Variants in PTPN5 observed in about 807,000 individuals in gnomAD.
PTPN5 encodes the protein protein tyrosine phosphatase non-receptor type 5.
A neutral mutation model predicts 73.9 loss-of-function variants in PTPN5; 29 were observed. The ratio of observed to expected loss-of-function variants is 0.39; its 90% CI spans 0.29 to 0.54. PTPN5 has a LOEUF of 0.54. Among genes scored for constraint, PTPN5 ranks in the 20% least tolerant of loss-of-function variants. The probability of loss-of-function intolerance (pLI) is 0.65; values close to 1 mark genes in which losing one functional copy is unlikely to be tolerated. For missense variants in PTPN5, 652 were observed against 751.4 expected (o/e 0.87, Z 1.55); for synonymous variants, 267 against 304.7 (o/e 0.88, Z 1.29).
At chr11:18,768,579 C>T (rs1418066077) in intron 2 of PTPN5, among the ~76,000 whole-genome samples, 2 of 152,234 alleles carry the variant, frequency 1.3e-5, no homozygotes, top group African/African-American at 2.4e-5. Context: ...AGGCCCCAAG[C>T]TGTGTTCAGA....
intron 1 of PTPN5, among the ~76,000 whole-genome samples, chr11:18,782,518 G>A (rs1851485441): frequency 6.6e-6 from 1 of 152,184 alleles, no homozygotes; most frequent in Non-Finnish European, 1.5e-5. Flanking sequence ...ATGAGCCACT[G>A]CGTCTGGCTT....
intron 1 of PTPN5, among the ~76,000 whole-genome samples, chr11:18,785,999 T>C (rs577126671): frequency 4.0e-4 from 61 of 152,280 alleles, no homozygotes; most frequent in Non-Finnish European, 6.0e-4. Flanking sequence ...GTATAGAAAC[T>C]TGAGTCACGC....
rs369724135 is a variant in PTPN5, at chr11:18,728,955, C to T, written c.1677G>A (p.Leu559=). 14 of 1,613,284 alleles carry T rather than the reference C, an allele frequency of 8.7e-6. No individual in the cohort carries two copies. Among genetic ancestry groups the T allele is most frequent in the African/African-American group, 1.3e-5 (1 of 74,874 alleles). ...HHVMSLYEKQ[L]SHQSPE is the part of the protein sequence containing the mutation. ...GCAGTCATTCTGGGGACTGGTGGGACAGCTGCTTTTCGTAGAGGCTCATGA... is the reference window on the plus strand; with the variant it reads ...GCAGTCATTCTGGGGACTGGTGGGATAGCTGCTTTTCGTAGAGGCTCATGA... Residue 559 remains leucine (L), a synonymous_variant, in exon 15 of 15, where the codon CTG becomes CTA. Transcript: ENST00000358540. This position sits in a 1 kb window ranked among gnomAD's most constrained non-coding sequence, Gnocchi z 4.1.
intron 4 of PTPN5, 49 bp from the exon 5 acceptor site, chr11:18,743,478 G>C (rs367957911): frequency 1.3e-6 from 2 of 1,541,262 alleles, no homozygotes; most frequent in Admixed American, 1.7e-5. Context: ...CCCTTCCCCC[G>C]TGTTCCCCCA....
chr11:18,789,166 G>A (rs1187341941), intron 1 of PTPN5, among the ~76,000 whole-genome samples: 1 of 152,118 alleles, frequency 6.6e-6, no homozygotes, highest in African/African-American at 2.4e-5. Flanking sequence ...CCACAAAGCT[G>A]GAGTCCTAGT....
intron 3 of PTPN5, among the ~76,000 whole-genome samples, chr11:18,756,708 G>T (rs1850155208): frequency 6.6e-6 from 1 of 151,916 alleles, no homozygotes. Flanking sequence ...GGATCATGAG[G>T]TCAGGAGATC....
intron 2 of PTPN5, among the ~76,000 whole-genome samples, chr11:18,771,388 C>G (rs985361586): frequency 2.6e-5 from 4 of 152,226 alleles, no homozygotes; most frequent in Non-Finnish European, 4.4e-5. Flanking sequence ...GGCGGTGCGT[C>G]TTCCACGGAG....
intron 1 of PTPN5, among the ~76,000 whole-genome samples, chr11:18,788,061 T>C (rs1851749579): frequency 6.6e-6 from 1 of 152,160 alleles, no homozygotes; most frequent in South Asian, 2.1e-4. Context: ...TCCTTGGCCA[T>C]TCAGCCTCAA....
At chr11:18,764,579 T>A (rs1850548089) in intron 3 of PTPN5, among the ~76,000 whole-genome samples, 1 of 152,238 alleles carries the variant, frequency 6.6e-6, no homozygotes, top group African/African-American at 2.4e-5. Context: ...CCTGGTTGTT[T>A]CCAATGTCTA....
chr11:18,786,229 G>A (rs1851662235), intron 1 of PTPN5, among the ~76,000 whole-genome samples: 1 of 150,864 alleles, frequency 6.6e-6, no homozygotes, highest in Non-Finnish European at 1.5e-5. Flanking sequence ...TTGAGACGGA[G>A]TCTCGCTCTT....
rs181125861 is a variant in PTPN5 at position 18,786,454 on chromosome 11, G to A, written c.-114+5071C>T. The stretch of plus-strand genomic sequence containing the variant: ...CCTGACCTCATGATCCGCCCACCTC[G>A]GCCTCTCAAAGTGCTGGGATTACAG... On this transcript the variant is annotated intron_variant, in intron 1 of 14. Coordinates refer to ENST00000358540, the MANE Select transcript of PTPN5 (RefSeq NM_006906.2). Among the ~76,000 whole-genome samples the A allele has an allele frequency of 8.0e-3, 1,220 of 152,190 alleles. 11 individuals carry two copies. Among genetic ancestry groups the A allele is most frequent in the African/African-American group, 0.028 (1,152 of 41,532 alleles).
At chr11:18,770,385 G>A (rs1471827563) in intron 2 of PTPN5, among the ~76,000 whole-genome samples, 7 of 152,154 alleles carry the variant, frequency 4.6e-5, no homozygotes, top group Admixed American at 4.6e-4. Context: ...CATATAAATG[G>A]AATCATAAAA....
chr11:18,773,938 C>G (rs1344234456), intron 1 of PTPN5, among the ~76,000 whole-genome samples: 1 of 152,180 alleles, frequency 6.6e-6, no homozygotes, highest in Non-Finnish European at 1.5e-5. Flanking sequence ...TGAAGGACAT[C>G]CTTCCCTTCA....
chr11:18,779,406 C>T (rs1362285644), intron 1 of PTPN5, among the ~76,000 whole-genome samples: 1 of 152,028 alleles, frequency 6.6e-6, no homozygotes, highest in Non-Finnish European at 1.5e-5. Context: ...CCAGGTGGGA[C>T]CAAGAGTCAA....
At chr11:18,776,873 C>G (rs1851182297) in intron 1 of PTPN5, among the ~76,000 whole-genome samples, 1 of 152,056 alleles carries the variant, frequency 6.6e-6, no homozygotes, top group Non-Finnish European at 1.5e-5. Context: ...TTAAAAACAC[C>G]ATAAAGGGCC....
chr11:18,743,300 G>T (rs1411330650), intron 5 of PTPN5, 22 bp downstream of exon 5: 1 of 1,609,288 alleles, frequency 6.2e-7, no homozygotes, highest in Admixed American at 1.7e-5. Flanking sequence ...TGCTACCCTA[G>T]GACTCCCCAA....
intron 1 of PTPN5, among the ~76,000 whole-genome samples, chr11:18,779,017 GCTC>G (rs1337317317): frequency 6.6e-6 from 1 of 152,084 alleles, no homozygotes; most frequent in Non-Finnish European, 1.5e-5. Context: ...CATCTGCTCC[GCTC>G]CTCATTGCTT....
At chr11:18,752,483 T>C (rs1234270199) in intron 3 of PTPN5, among the ~76,000 whole-genome samples, 1 of 152,162 alleles carries the variant, frequency 6.6e-6, no homozygotes, top group African/African-American at 2.4e-5. Context: ...GGCTGCTGGC[T>C]GGCAACTGGG....
Position 18,744,159 on chromosome 11 carries a change from A to T in PTPN5, c.138T>A (p.Ala46=), listed in dbSNP as rs1849508216. 1 of 1,590,014 alleles carries T rather than the reference A, an allele frequency of 6.3e-7. No homozygotes were observed. The highest frequency in any genetic ancestry group is 8.5e-7 in the Non-Finnish European group (1 of 1,170,892). ...CTCTCTGTGAGTCCTGGAGCCCTTC[A>T]GCCTCGTCCAGTGCCTCCATCACTA... ...QPIVMEALDE[A]EGLQDSQREM... is the part of the protein sequence containing the mutation. The change falls in exon 4 of 15, where the codon GCT becomes GCA. Residue 46 remains alanine, a synonymous_variant. Coordinates refer to ENST00000358540, the MANE Select transcript of PTPN5 (RefSeq NM_006906.2).
Sources: gnomAD v4.1 joint callset for allele counts (sites outside exome capture counted in the v4.1 genomes callset) on GRCh38, gnomAD v4.1.1 for gene constraint, Gnocchi (gnomAD v3.1) non-coding constraint, MANE v1.5 for transcripts, NCBI Gene and HGNC (gene_info 2026-07-23, HGNC 2026-07-21) for gene names.